The following CIB4 variants were observed in gnomAD, a reference collection of about 807,000 sequenced individuals.
CIB4 encodes calcium and integrin binding family member 4, also known as calcium and integrin-binding family member 4.
A neutral mutation model predicts 25.8 loss-of-function variants in CIB4; 25 were observed. The observed-to-expected ratio is 0.97, with a 90% CI of 0.71 to 1.35. The LOEUF (loss-of-function observed/expected upper bound fraction) is 1.35, where lower values mean the gene tolerates loss of function less well. Ranked by LOEUF, CIB4 falls within the 40% of genes most tolerant of loss-of-function variation. The pLI, the probability that CIB4 is intolerant of heterozygous loss-of-function variation, is 0.00. For missense variants in CIB4, 235 were observed against 228.2 expected, an observed-to-expected ratio of 1.03 and a Z score of -0.19; for synonymous variants, 75 against 81.4, an observed-to-expected ratio of 0.92 and a Z score of 0.42.
chr2:26,622,909 G>C (rs1009430483), intron 3 of CIB4, among the ~76,000 whole-genome samples: 8 of 151,966 alleles, frequency 5.3e-5, no homozygotes, highest in African/African-American at 1.9e-4. Context: ...CTTGAACCTG[G>C]GAGGCAGAGG....
chr2:26,588,988 TTCTTC>T (rs1558554499), intron 4 of CIB4, among the ~76,000 whole-genome samples: 4,963 of 40,050 alleles, frequency 0.12, 609 homozygotes, highest in South Asian at 0.17. Context: ...TTTCTTCTTC[TTCTTC>T]TTCTTCTTCT....
chr2:26,624,295 G>A (rs763080821), intron 3 of CIB4, among the ~76,000 whole-genome samples: 1 of 152,166 alleles, frequency 6.6e-6, no homozygotes, highest in African/African-American at 2.4e-5. Context: ...CGCAGCTCCC[G>A]TCCTTGCGGC....
At chr2:26,638,027 C>T (rs944792276) in intron 2 of CIB4, among the ~76,000 whole-genome samples, 1 of 152,196 alleles carries the variant, frequency 6.6e-6, no homozygotes, top group Non-Finnish European at 1.5e-5. Context: ...TGACGCACGC[C>T]GGCCTTTGAG....
At chr2:26,619,121 G>A (rs1047034526) in intron 3 of CIB4, among the ~76,000 whole-genome samples, 5 of 152,226 alleles carry the variant, frequency 3.3e-5, no homozygotes, top group African/African-American at 9.7e-5. Context: ...ATGAGAACCA[G>A]GCGTGGGAGC....
intron 2 of CIB4, among the ~76,000 whole-genome samples, chr2:26,633,534 G>A (rs1001100664): frequency 6.6e-6 from 1 of 152,166 alleles, no homozygotes; most frequent in Non-Finnish European, 1.5e-5. Flanking sequence ...GGAGGGTGCT[G>A]GTGGGGTGCC....
At chr2:26,586,030 G>A (rs115518581) in intron 4 of CIB4, among the ~76,000 whole-genome samples, 488 of 152,076 alleles carry the variant, frequency 3.2e-3, no homozygotes, top group African/African-American at 8.7e-3. Context: ...CCAGCTCCCC[G>A]CACTTCCCAT....
At chr2:26,616,976 C>A (rs894361516) in intron 3 of CIB4, among the ~76,000 whole-genome samples, 9 of 152,208 alleles carry the variant, frequency 5.9e-5, no homozygotes, top group Non-Finnish European at 1.3e-4. Flanking sequence ...ACAGCTCAGG[C>A]AAGCACTGCC....
intron 3 of CIB4, among the ~76,000 whole-genome samples, chr2:26,616,634 C>A (rs1669097586): frequency 6.6e-6 from 1 of 152,156 alleles, no homozygotes; most frequent in African/African-American, 2.4e-5. Context: ...CCCCAACACC[C>A]AAGACAGACA....
Position 26,597,426 on chromosome 2 carries a change from TA to T in CIB4, c.187-2110del, listed in dbSNP as rs374182652. On this transcript the variant is annotated intron_variant, in intron 3 of 6. Coordinates refer to ENST00000288861, the MANE Select transcript of CIB4 (RefSeq NM_001029881.3). ...TCTTTGGATCAGTTACGACAGCTAT[TA>T]AAAAAAAAAAAAAACTGAACTAGAA... 5.1e-3 allele frequency among the ~76,000 whole-genome samples: 711 copies of T among 138,356 alleles called. 7 individuals carry two copies. The highest frequency in any genetic ancestry group is 0.015 in the South Asian group (64 of 4,260). 90.8% of individuals were successfully genotyped at this position (138,356 alleles called of 152,430 possible).
chr2:26,595,465 A>T (rs1019092464), intron 3 of CIB4, 148 bp from the exon 4 acceptor site: 3 of 886,136 alleles, frequency 3.4e-6, no homozygotes, highest in African/African-American at 1.7e-5. Context: ...ATGGTGGCTC[A>T]CTGAGCCAGG....
chr2:26,628,073 T>C (rs1452992243), intron 3 of CIB4, among the ~76,000 whole-genome samples: 2 of 152,236 alleles, frequency 1.3e-5, no homozygotes, highest in Non-Finnish European at 2.9e-5. Context: ...GAAGTCATTA[T>C]TCTGCCAAGA....
intron 2 of CIB4, among the ~76,000 whole-genome samples, chr2:26,636,885 A>C (rs1051389155): frequency 6.6e-6 from 1 of 152,140 alleles, no homozygotes; most frequent in Non-Finnish European, 1.5e-5. Flanking sequence ...CTCTCCGTGG[A>C]AGCACTCAGG....
chr2:26,614,734 G>GTGTC (rs1402081602), intron 3 of CIB4, among the ~76,000 whole-genome samples: 2 of 152,228 alleles, frequency 1.3e-5, no homozygotes, highest in Non-Finnish European at 2.9e-5. Context: ...TGTGTGCAGA[G>GTGTC]TGTCCTCAGA....
chr2:26,584,172 C>G (rs1160461227), intron 4 of CIB4, among the ~76,000 whole-genome samples: 3 of 152,202 alleles, frequency 2.0e-5, no homozygotes, highest in Non-Finnish European at 4.4e-5. Context: ...CACAATCAAC[C>G]TTTTATTAGT....
intron 2 of CIB4, among the ~76,000 whole-genome samples, chr2:26,632,092 A>G (rs1389686027): frequency 1.3e-5 from 2 of 152,174 alleles, no homozygotes; most frequent in Non-Finnish European, 2.9e-5. Flanking sequence ...ACCTCTAGCT[A>G]CGAGACCCAA....
intron 2 of CIB4, among the ~76,000 whole-genome samples, chr2:26,633,379 G>A (rs918031860): frequency 6.6e-6 from 1 of 152,210 alleles, no homozygotes. Context: ...TTTAAGTGTT[G>A]TATCTAAGGT....
chr2:26,640,383 C>A (rs1669612174), intron 2 of CIB4, 150 bp downstream of exon 2: 2 of 781,684 alleles, frequency 2.6e-6, no homozygotes, highest in African/African-American at 3.6e-5. Context: ...CCCTCCCATC[C>A]CTGCCTGCCG....
chr2:26,597,363 C>T (rs1000019675), intron 3 of CIB4, among the ~76,000 whole-genome samples: 8 of 151,850 alleles, frequency 5.3e-5, no homozygotes, highest in Admixed American at 3.9e-4. Context: ...AAAATGAGTG[C>T]CGTGATTTAA....
At chr2:26,605,658 A>C (rs1460360473) in intron 3 of CIB4, 3 of 430,058 alleles carry the variant, frequency 7.0e-6, no homozygotes, top group Non-Finnish European at 1.4e-5. Context: ...AGCATCATTC[A>C]GTCAGTTCAC....
Sources: allele counts gnomAD v4.1 joint callset (sites outside exome capture counted in the v4.1 genomes callset), GRCh38; gene constraint gnomAD v4.1.1; transcripts MANE v1.5; gene names NCBI Gene and HGNC (gene_info 2026-07-23, HGNC 2026-07-21).